The following RAB11FIP4 variants were observed in gnomAD, a reference collection of about 807,000 sequenced individuals.
RAB11FIP4 encodes rab11 family-interacting protein 4.
Under a neutral mutation model 74.3 loss-of-function variants are expected in RAB11FIP4, and 23 were observed. The ratio of observed to expected loss-of-function variants is 0.31; its 90% CI spans 0.22 to 0.44. The LOEUF (loss-of-function observed/expected upper bound fraction) is 0.44, where lower values mean the gene tolerates loss of function less well. Among genes scored for constraint, RAB11FIP4 ranks in the 20% least tolerant of loss-of-function variants. The pLI is 1.00. For synonymous variants in RAB11FIP4, 360 were observed against 359.9 expected (o/e 1.00, Z 0.00); for missense variants, 630 against 863.9 (o/e 0.73, Z 3.39).
chr17:31,448,064 G>A (rs1273989821), intron 3 of RAB11FIP4, among the ~76,000 whole-genome samples: 5 of 150,208 alleles, frequency 3.3e-5, no homozygotes, highest in Non-Finnish European at 5.9e-5. Flanking sequence ...CACCTGTCTC[G>A]GCCTCCCAAA....
At chr17:31,456,414 C>T (rs1023813031) in intron 3 of RAB11FIP4, among the ~76,000 whole-genome samples, 1 of 152,114 alleles carries the variant, frequency 6.6e-6, no homozygotes, top group Non-Finnish European at 1.5e-5. Context: ...ACCATGTTGC[C>T]CAGGCTTGTC....
At chr17:31,414,625 G>A (rs1295846131) in intron 1 of RAB11FIP4, among the ~76,000 whole-genome samples, 2 of 152,188 alleles carry the variant, frequency 1.3e-5, no homozygotes, top group Non-Finnish European at 2.9e-5. Context: ...CAGCTGTGGC[G>A]GCTGGGACAG....
At chr17:31,431,545 G>A in intron 1 of RAB11FIP4, 1 of 419,862 alleles carries the variant, frequency 2.4e-6, no homozygotes. Flanking sequence ...GTCCCTGGGG[G>A]AAGGAGGCTC....
chr17:31,537,318 C>A lies in RAB11FIP4; in HGVS notation c.*5586C>A, dbSNP rs545706258. The A allele has an allele frequency of 4.3e-5, 17 of 398,322 alleles. No individual in the cohort carries two copies. Among genetic ancestry groups the A allele is most frequent in the African/African-American group, 2.7e-4 (13 of 48,744 alleles). The allele number at this position is 398,322 out of a possible 1,614,324, so 24.7% of individuals were successfully genotyped here. A position where few individuals can be genotyped will look rare whatever the true frequency, so the allele number is the denominator to read the frequency against. On this transcript the variant is annotated 3_prime_UTR_variant, in exon 15 of 15. Transcript: ENST00000621161. ...GTCCACAAGGATCAGGCCCCACTTA[C>A]CCTTGGCTCGCTCAGCCTGTAGACT...
chr17:31,435,969 T>C (rs1246459950), intron 3 of RAB11FIP4, among the ~76,000 whole-genome samples: 1 of 151,894 alleles, frequency 6.6e-6, no homozygotes, highest in Non-Finnish European at 1.5e-5. Flanking sequence ...CAAGCAGGGG[T>C]TGAATATGTA....
In RAB11FIP4 at chr17:31,534,622, C is replaced by T. The variant is rs929846564; in HGVS notation, c.*2890C>T. ...CTGATGATTAGACTGAATCCTCAGA[C>T]GTTCTGGTTTGATTGTTGTGGGTGT... On this transcript the variant is annotated 3_prime_UTR_variant, in exon 15 of 15. Transcript: ENST00000621161. 1 of 152,112 alleles carries T rather than the reference C, an allele frequency of 6.6e-6. No homozygotes were observed. Among genetic ancestry groups the T allele is most frequent in the East Asian group, 1.9e-4 (1 of 5,194 alleles). 9.4% of individuals were successfully genotyped at this position (152,112 alleles called of 1,614,324 possible).
intron 1 of RAB11FIP4, among the ~76,000 whole-genome samples, chr17:31,412,798 C>T (rs766608254): frequency 2.6e-5 from 4 of 152,202 alleles, no homozygotes; most frequent in Non-Finnish European, 4.4e-5. Flanking sequence ...CTGCACCTCC[C>T]CTGGGATCCA....
rs748148322 is a variant in RAB11FIP4 at position 31,523,874 on chromosome 17, C to T, written c.1030-19C>T. On this transcript the variant is annotated intron_variant, in intron 8 of 14. Transcript: ENST00000621161. The stretch of plus-strand genomic sequence containing the variant: ...GGCCTCAGAGGTCTTCTCCACCCCA[C>T]CCCGGCCCCCTGCTGCAGGTAAGCT... 8 of 1,585,176 alleles carry T rather than the reference C, an allele frequency of 5.0e-6. No individual in the cohort carries two copies. Among genetic ancestry groups the T allele is most frequent in the Non-Finnish European group, 6.9e-6 (8 of 1,160,970 alleles).
At chr17:31,437,655 C>T (rs2071372310) in intron 3 of RAB11FIP4, among the ~76,000 whole-genome samples, 1 of 152,218 alleles carries the variant, frequency 6.6e-6, no homozygotes, top group Non-Finnish European at 1.5e-5. Context: ...GCCCCCTCCC[C>T]TCAGGGTGTG....
rs184879751 is a variant in RAB11FIP4 at position 31,496,779 on chromosome 17, G to A, written c.337-20872G>A. On this transcript the variant is annotated intron_variant, in intron 3 of 14. Coordinates refer to ENST00000621161, the MANE Select transcript of RAB11FIP4 (RefSeq NM_032932.6). ...AAGTCCAAGTTCTGGTACCATCAGC[G>A]TTGCTAACTGCCATTCCTGTGGCTG... Among the ~76,000 whole-genome samples, 6 of 152,322 alleles carry A rather than the reference G, an allele frequency of 3.9e-5. No individual in the cohort carries two copies. In the East Asian group the frequency reaches 9.6e-4, roughly 24 times the overall value.
chr17:31,420,086 ATTTC>A (rs935644963), intron 1 of RAB11FIP4, among the ~76,000 whole-genome samples: 30 of 152,302 alleles, frequency 2.0e-4, no homozygotes, highest in African/African-American at 7.2e-4. Flanking sequence ...CAGATTATCT[ATTTC>A]TTCTTGCATG....
intron 3 of RAB11FIP4, among the ~76,000 whole-genome samples, chr17:31,434,855 G>A (rs766527158): frequency 2.0e-5 from 3 of 152,210 alleles, no homozygotes; most frequent in African/African-American, 4.8e-5. Context: ...GCACATCACC[G>A]TGCTACCAGC....
At chr17:31,482,615 A>AG (rs1264381680) in intron 3 of RAB11FIP4, among the ~76,000 whole-genome samples, 3 of 152,170 alleles carry the variant, frequency 2.0e-5, no homozygotes, top group African/African-American at 7.2e-5. Flanking sequence ...AAAAAAGAAA[A>AG]GAAAAAAAAT....
At chr17:31,495,123 G>T (rs1249503409) in intron 3 of RAB11FIP4, among the ~76,000 whole-genome samples, 2 of 152,228 alleles carry the variant, frequency 1.3e-5, no homozygotes, top group Non-Finnish European at 2.9e-5. Flanking sequence ...CCAGCCCCCA[G>T]CATCTGCCTT....
intron 10 of RAB11FIP4, chr17:31,526,579 G>T (rs1168239784): frequency 6.6e-6 from 1 of 152,268 alleles, no homozygotes; most frequent in African/African-American, 2.4e-5. Flanking sequence ...AGGAGTCACT[G>T]CCAGAAGTGA....
chr17:31,521,053 C>T, intron 4 of RAB11FIP4, 113 bp from the exon 5 acceptor site: 1 of 808,120 alleles, frequency 1.2e-6, no homozygotes, highest in East Asian at 2.7e-5. Context: ...TCAAGAGCTA[C>T]AAACTTAATC....
At chr17:31,514,674 A>C (rs1355432364) in intron 3 of RAB11FIP4, among the ~76,000 whole-genome samples, 4 of 152,168 alleles carry the variant, frequency 2.6e-5, no homozygotes, top group Non-Finnish European at 5.9e-5. Context: ...CAGGAAGGTG[A>C]AAAGTTTGCA....
chr17:31,521,244 G>A lies in RAB11FIP4; in HGVS notation c.642G>A (p.Glu214=). 2 of 1,614,060 alleles carry A rather than the reference G, an allele frequency of 1.2e-6. No individual in the cohort carries two copies. Among genetic ancestry groups the A allele is most frequent in the Non-Finnish European group, 1.7e-6 (2 of 1,179,946 alleles). The change falls in exon 5 of 15, where the codon GAG becomes GAA. Residue 214 remains glutamate (E), a synonymous_variant. Transcript: ENST00000621161. ...HSTTSLISNE[E]QFEDYGEGDD... is the part of the protein sequence containing the mutation. ...CCACCTCGCTCATCAGCAATGAGGAGCAGTTTGAAGACTATGGGGAGGGTG... is the reference window on the plus strand; with the variant it reads ...CCACCTCGCTCATCAGCAATGAGGAACAGTTTGAAGACTATGGGGAGGGTG...
At chr17:31,530,861 A>G (rs2072859502) in intron 14 of RAB11FIP4, 2 of 185,422 alleles carry the variant, frequency 1.1e-5, no homozygotes, top group East Asian at 2.8e-4. Flanking sequence ...TTTTCACTTA[A>G]TCTCCTGATG....
Sources: gnomAD v4.1 joint callset for allele counts (sites outside exome capture counted in the v4.1 genomes callset) on GRCh38, gnomAD v4.1.1 for gene constraint, MANE v1.5 for transcripts, NCBI Gene and HGNC (gene_info 2026-07-23, HGNC 2026-07-21) for gene names.